FBXL2: variants seen among roughly 807,000 people sequenced by gnomAD.
FBXL2 encodes the protein F-box/LRR-repeat protein 2.
FBXL2 carries 38 observed loss-of-function variants against 69.2 expected under a neutral mutation model. The ratio of observed to expected loss-of-function variants is 0.55; its 90% confidence interval spans 0.42 to 0.72. FBXL2 has a LOEUF of 0.72. FBXL2 is among the 30% of genes least tolerant of loss of function. The pLI, the probability that FBXL2 is intolerant of heterozygous loss-of-function variation, is 0.00. For missense variants in FBXL2, 354 were observed against 520.3 expected, an observed-to-expected ratio of 0.68 and a Z score of 3.11; for synonymous variants, 192 against 201.3, an observed-to-expected ratio of 0.95 and a Z score of 0.39.
the FBXL2 span, chr3:33,409,633 A>G: frequency 6.2e-7 from 1 of 1,613,818 alleles, no homozygotes. Flanking sequence ...AATGGATTCA[A>G]AGAACTTCCA....
At chr3:33,298,538 G>A (rs1212607249) in intron 2 of FBXL2, among the ~76,000 whole-genome samples, 1 of 151,822 alleles carries the variant, frequency 6.6e-6, no homozygotes, top group Non-Finnish European at 1.5e-5. Flanking sequence ...GCCAGGCGTG[G>A]TGGTGCACGC....
intron 2 of FBXL2, among the ~76,000 whole-genome samples, chr3:33,309,677 C>A (rs1230578604): frequency 6.6e-6 from 1 of 152,060 alleles, no homozygotes; most frequent in Non-Finnish European, 1.5e-5. Flanking sequence ...TTTCATAGAT[C>A]CTTCATTCTT....
Position 33,385,622 on chromosome 3 carries a change from G to C in FBXL2, c.*14G>C. ...GTCATTCTCTGACAGCAGCTGCCTG[G>C]GCCCAAGGGGTGATGAGGCATCCTT... On this transcript the variant is annotated 3_prime_UTR_variant, in exon 15 of 15. Coordinates refer to ENST00000484457, the MANE Select transcript of FBXL2 (RefSeq NM_012157.5). 2 of 1,606,388 alleles carry C rather than the reference G, an allele frequency of 1.2e-6. No homozygotes were observed. The highest frequency in any genetic ancestry group is 1.7e-6 in the Non-Finnish European group (2 of 1,173,114).
chr3:33,400,315 G>T, intron 12 of FBXL2: 1 of 1,508,332 alleles, frequency 6.6e-7, no homozygotes, highest in South Asian at 1.2e-5. Flanking sequence ...TAAATAAAAG[G>T]AACCATTCAG....
At chr3:33,422,600 C>A in the FBXL2 span, among the ~76,000 whole-genome samples, 5 of 151,916 alleles carry the variant, frequency 3.3e-5, no homozygotes, top group Non-Finnish European at 7.4e-5. Flanking sequence ...TGTCCTGTGC[C>A]TGTAGTCCCA....
At chr3:33,277,185 TAAA>T, upstream of FBXL2, 2 of 291,182 alleles carry the variant, frequency 6.9e-6, no homozygotes, top group Non-Finnish European at 1.3e-5. Context: ...ACGTTTTTTT[TAAA>T]AAAAAAAAAA....
rs1258020969 is a variant in FBXL2, at chr3:33,378,673, G to A, written c.895-12G>A. ...TGTAGAAGCCACACTGACACAGCAT[G>A]TTTCTCTCCAGATAACCGACAGCAC... On this transcript the variant is annotated splice_polypyrimidine_tract_variant and intron_variant, in intron 12 of 14. Transcript: ENST00000484457. The A allele has an allele frequency of 1.9e-6, 3 of 1,611,510 alleles. No homozygotes were observed. The highest frequency in any genetic ancestry group is 3.4e-5 in the Admixed American group (2 of 59,578).
At chr3:33,408,319 C>T (rs1227856070), downstream of FBXL2, among the ~76,000 whole-genome samples, 1 of 151,962 alleles carries the variant, frequency 6.6e-6, no homozygotes, top group South Asian at 2.1e-4. Context: ...AAAATAATAG[C>T]TAATTTACTA....
chr3:33,281,604 C>T (rs2034014030), intron 1 of FBXL2, among the ~76,000 whole-genome samples: 1 of 152,090 alleles, frequency 6.6e-6, no homozygotes. Flanking sequence ...GTTCTAGATC[C>T]TTGAGGAATC....
chr3:33,281,202 A>C (rs1431845191), intron 1 of FBXL2, among the ~76,000 whole-genome samples: 1 of 149,092 alleles, frequency 6.7e-6, no homozygotes, highest in East Asian at 2.0e-4. Context: ...CCCTCCCCCT[A>C]CCCCTCAACA....
chr3:33,385,484 T>C lies in FBXL2; in HGVS notation c.1165-17T>C. ...TAGTAATGTGTAAAGACTCCACTTT[T>C]TTCTTCATCCTTCCAGGCTCAGCTC... On this transcript the variant is annotated splice_polypyrimidine_tract_variant and intron_variant, in intron 14 of 14. Transcript: ENST00000484457. 3 of 1,609,458 alleles carry C rather than the reference T, an allele frequency of 1.9e-6. No individual in the cohort carries two copies. Among genetic ancestry groups the C allele is most frequent in the East Asian group, 2.2e-5 (1 of 44,854 alleles).
chr3:33,390,570 C>G, downstream of FBXL2: 1 of 606,502 alleles, frequency 1.6e-6, no homozygotes, highest in South Asian at 2.0e-5. Context: ...TTTAGACATT[C>G]TGCGAAGCCT....
chr3:33,397,630 G>A (rs528956560), intron 12 of FBXL2: 6 of 152,282 alleles, frequency 3.9e-5, no homozygotes, highest in South Asian at 4.2e-4. Context: ...ATTCTGAAAC[G>A]TGCAATGTAA....
chr3:33,400,660 G>A (rs1206779352), intron 12 of FBXL2, among the ~76,000 whole-genome samples: 22 of 152,088 alleles, frequency 1.4e-4, no homozygotes. Context: ...AGGTAACAGA[G>A]ACCGGGAAGA....
At chr3:33,408,567 A>T (rs2044492219), downstream of FBXL2, 1 of 684,540 alleles carries the variant, frequency 1.5e-6, no homozygotes, top group Non-Finnish European at 2.3e-6. Context: ...AAACAAAAGC[A>T]AATTAAATCA....
chr3:33,376,837 C>T (rs1270934230), intron 10 of FBXL2, among the ~76,000 whole-genome samples: 1 of 151,908 alleles, frequency 6.6e-6, no homozygotes, highest in Non-Finnish European at 1.5e-5. Flanking sequence ...CCCGTTTCTA[C>T]TAAAAGTACA....
Position 33,286,065 on chromosome 3 carries a change from G to A in FBXL2, c.3+8550G>A, listed in dbSNP as rs189726386. On this transcript the variant is annotated intron_variant, in intron 1 of 14. Transcript: ENST00000484457. ...TCAAAGTCATTCTCCATCCAGCTTT[G>A]TTCTGTTGCTGGCAAGGAGCTGTGT... 2.6e-5 allele frequency among the ~76,000 whole-genome samples: 4 copies of A among 152,308 alleles called. No homozygotes were observed. The East Asian group carries it at 7.7e-4, about 29-fold the overall frequency.
At chr3:33,385,442 GACT>G in intron 14 of FBXL2, 56 bp from the exon 15 acceptor site, 1 of 1,392,020 alleles carries the variant, frequency 7.2e-7, no homozygotes, top group Non-Finnish European at 1.0e-6. Context: ...CTAGAATTAT[GACT>G]ATAATCCTAA....
At chr3:33,281,116 T>C (rs1461336495) in intron 1 of FBXL2, among the ~76,000 whole-genome samples, 2 of 152,226 alleles carry the variant, frequency 1.3e-5, no homozygotes, top group Non-Finnish European at 2.9e-5. Flanking sequence ...TTGTTACGTA[T>C]GTATACATGG....
Sources: allele counts gnomAD v4.1 joint callset (sites outside exome capture counted in the v4.1 genomes callset), GRCh38; gene constraint gnomAD v4.1.1; transcripts MANE v1.5; gene names NCBI Gene and HGNC (gene_info 2026-07-23, HGNC 2026-07-21).